Variants in OLFM3 observed in about 807,000 individuals in gnomAD.
OLFM3 encodes the protein olfactomedin 3, also known as noelin-3.
Under a neutral mutation model 48.6 loss-of-function variants are expected in OLFM3, and 20 were observed. The ratio of observed to expected loss-of-function variants is 0.41; its 90% confidence interval spans 0.29 to 0.60. The LOEUF (loss-of-function observed/expected upper bound fraction) is 0.60. OLFM3 is among the 20% of genes least tolerant of loss of function. The pLI, the probability that OLFM3 is intolerant of heterozygous loss-of-function variation, is 0.28. For missense variants in OLFM3, 437 were observed against 544.3 expected, an observed-to-expected ratio of 0.80 and a Z score of 1.96; for synonymous variants, 222 against 198.1, an observed-to-expected ratio of 1.12 and a Z score of -1.01.
At chr1:101,987,402 T>C (rs1044411077) in intron 1 of OLFM3, among the ~76,000 whole-genome samples, 1 of 152,204 alleles carries the variant, frequency 6.6e-6, no homozygotes, top group Non-Finnish European at 1.5e-5. Flanking sequence ...GTAGCATCTA[T>C]AAATAATAAG....
At chr1:101,973,215 G>A (rs772865295) in intron 1 of OLFM3, among the ~76,000 whole-genome samples, 11 of 152,206 alleles carry the variant, frequency 7.2e-5, no homozygotes, top group East Asian at 1.9e-4. Flanking sequence ...AGGAAACCCA[G>A]TGCTGTAATT....
chr1:101,991,519 G>A (rs1006421230), intron 1 of OLFM3, among the ~76,000 whole-genome samples: 1 of 151,974 alleles, frequency 6.6e-6, no homozygotes, highest in East Asian at 1.9e-4. Context: ...TCAAGGATGT[G>A]TCTGCCTAGA....
intron 1 of OLFM3, among the ~76,000 whole-genome samples, chr1:101,970,192 T>A (rs1277764320): frequency 1.3e-5 from 2 of 152,082 alleles, no homozygotes; most frequent in Admixed American, 1.3e-4. Context: ...ATTTTTTGTA[T>A]TTTTAGTAGA....
chr1:101,804,227 G>T lies in OLFM3; in HGVS notation c.*11C>A. 6.5e-7 allele frequency: 1 copy of T among 1,549,510 alleles called. No homozygotes were observed. Among genetic ancestry groups the T allele is most frequent in the Non-Finnish European group, 8.7e-7 (1 of 1,148,492 alleles). On this transcript the variant is annotated 3_prime_UTR_variant, in exon 6 of 6. Coordinates refer to ENST00000370103, the MANE Select transcript of OLFM3 (RefSeq NM_058170.4). This position sits in a 1 kb window ranked among gnomAD's most constrained non-coding sequence, Gnocchi z 4.5. ...ACACTGTTTAAATCAATGAAAACAT[G>T]TCACATTTGCCTATGTGTCATCCTC...
At chr1:101,826,426 A>G (rs1162808015) in intron 3 of OLFM3, among the ~76,000 whole-genome samples, 1 of 152,234 alleles carries the variant, frequency 6.6e-6, no homozygotes, top group East Asian at 1.9e-4. Flanking sequence ...TGAGAATAAT[A>G]CATAGATGCT....
rs1400637399 is a variant in OLFM3, at chr1:101,805,000, CTTA to C, written c.700-88_700-86del. The C allele has an allele frequency of 8.6e-6, 9 of 1,046,284 alleles. No individual in the cohort carries two copies. The highest frequency in any genetic ancestry group is 1.2e-5 in the Non-Finnish European group (9 of 731,280). 64.8% of individuals were successfully genotyped at this position (1,046,284 alleles called of 1,614,324 possible). ...AAAAGAAAGACAGTGAGAGTCAACA[CTTA>C]TTATAATTCTCAGGCTCTGGAAGCC... On this transcript the variant is annotated intron_variant, in intron 5 of 5. Transcript: ENST00000370103. The surrounding 1 kb of genome is among the most constrained non-coding windows in gnomAD (Gnocchi z 4.5).
intron 1 of OLFM3, among the ~76,000 whole-genome samples, chr1:101,957,507 AC>A (rs1237788550): frequency 2.0e-5 from 3 of 152,058 alleles, no homozygotes. Flanking sequence ...GGGACACAAC[AC>A]AATTTTCAGT....
chr1:101,825,470 A>G (rs973753530), intron 3 of OLFM3, among the ~76,000 whole-genome samples: 1 of 152,186 alleles, frequency 6.6e-6, no homozygotes, highest in African/African-American at 2.4e-5. Context: ...TTTAATGCTT[A>G]GTTTTCTATA....
chr1:101,871,139 A>AT (rs1327100395), intron 1 of OLFM3, among the ~76,000 whole-genome samples: 3 of 152,082 alleles, frequency 2.0e-5, no homozygotes, highest in South Asian at 2.1e-4. Flanking sequence ...CAGGAATTTT[A>AT]TTTTTTTAAT....
chr1:101,981,527 G>A (rs953917906), intron 1 of OLFM3, among the ~76,000 whole-genome samples: 1 of 152,050 alleles, frequency 6.6e-6, no homozygotes, highest in Non-Finnish European at 1.5e-5. Flanking sequence ...CCAGTTTCAT[G>A]GGCTTAAATA....
intron 1 of OLFM3, chr1:101,882,570 G>C (rs6677650): frequency 0.1 from 15,138 of 151,780 alleles, 827 homozygotes; most frequent in Non-Finnish European, 0.11. Flanking sequence ...CTGGAATCTG[G>C]AGAACTGCTT....
chr1:101,892,776 G>A (rs1156948772), intron 1 of OLFM3, among the ~76,000 whole-genome samples: 1 of 151,976 alleles, frequency 6.6e-6, no homozygotes, highest in African/African-American at 2.4e-5. Flanking sequence ...ATCGTAGCCT[G>A]GGCAAAGAAA....
In OLFM3 at chr1:101,804,033, C is replaced by A. The variant is rs1653631721; in HGVS notation, c.*205G>T. Reference sequence around the variant, plus strand: ...CTTTTCATGACAAGGACATGATAGGCCTTGTAAATTTAGAAGTTAAGATGT... The same window carrying A: ...CTTTTCATGACAAGGACATGATAGGACTTGTAAATTTAGAAGTTAAGATGT... On this transcript the variant is annotated 3_prime_UTR_variant, in exon 6 of 6. Transcript: ENST00000370103. This position sits in a 1 kb window ranked among gnomAD's most constrained non-coding sequence, Gnocchi z 4.5. 4.6e-6 allele frequency: 2 copies of A among 437,882 alleles called. No homozygotes were observed. Among genetic ancestry groups the A allele is most frequent in the Admixed American group, 4.0e-5 (1 of 24,878 alleles). 27.1% of individuals were successfully genotyped at this position (437,882 alleles called of 1,614,324 possible). A position where few individuals can be genotyped will look rare whatever the true frequency, so the allele number is the denominator to read the frequency against.
intron 1 of OLFM3, among the ~76,000 whole-genome samples, chr1:101,945,462 T>C (rs781086337): frequency 1.1e-4 from 16 of 152,074 alleles, no homozygotes; most frequent in Non-Finnish European, 2.4e-4. Context: ...AAACTAATTA[T>C]AGTTGCAGGA....
At position 101,821,677 on chromosome 1, in the gene OLFM3, C is replaced by T. The variant is rs554973881; in HGVS notation, c.592+3349G>A. Reference sequence around the variant, plus strand: ...TACATTCATTGTTTGTGACAATGGCCCCTCTACTAAGTAAATAAGAAACTG... The same window carrying T: ...TACATTCATTGTTTGTGACAATGGCTCCTCTACTAAGTAAATAAGAAACTG... On this transcript the variant is annotated intron_variant, in intron 4 of 5. Transcript: ENST00000370103. Among the ~76,000 whole-genome samples the T allele has an allele frequency of 6.2e-4, 94 of 152,082 alleles. 1 individual carries two copies. Among genetic ancestry groups the T allele is most frequent in the Middle Eastern group, 6.8e-3 (2 of 294 alleles).
chr1:101,828,066 G>GTGTCTCTCTCTCTC, intron 3 of OLFM3, among the ~76,000 whole-genome samples: 1 of 141,976 alleles, frequency 7.0e-6, no homozygotes, highest in Non-Finnish European at 1.5e-5. Context: ...CTCTCTCTCT[G>GTGTCTCTCTCTCTC]TCTCTCTCTC....
intron 1 of OLFM3, among the ~76,000 whole-genome samples, chr1:101,944,858 C>T (rs10157251): frequency 0.4 from 58,906 of 148,692 alleles, 11,723 homozygotes; most frequent in East Asian, 0.51. Context: ...CCAGCCTGGG[C>T]GACAGAGTGA....
intron 1 of OLFM3, among the ~76,000 whole-genome samples, chr1:101,848,616 G>A (rs183033591): frequency 8.5e-4 from 129 of 151,392 alleles, no homozygotes; most frequent in African/African-American, 3.0e-3. Flanking sequence ...CAAAAATCAT[G>A]CCATATGAAA....
At chr1:101,949,578 A>C (rs1190435006) in intron 1 of OLFM3, among the ~76,000 whole-genome samples, 1 of 152,144 alleles carries the variant, frequency 6.6e-6, no homozygotes, top group East Asian at 1.9e-4. Flanking sequence ...TTGTCTCCAG[A>C]GTAGCAAGAG....
Sources: allele counts gnomAD v4.1 joint callset (sites outside exome capture counted in the v4.1 genomes callset), GRCh38; gene constraint gnomAD v4.1.1; non-coding constraint Gnocchi (gnomAD v3.1); transcripts MANE v1.5; gene names NCBI Gene and HGNC (gene_info 2026-07-23, HGNC 2026-07-21).